The following TERT variants were observed in gnomAD, a reference collection of about 807,000 sequenced individuals.
The protein encoded by TERT is telomerase catalytic subunit.
TERT carries 42 observed loss-of-function variants against 104.0 expected under a neutral mutation model. The ratio of observed to expected loss-of-function variants is 0.40; its 90% CI spans 0.32 to 0.52. The LOEUF (loss-of-function observed/expected upper bound fraction) is 0.52, where lower values mean the gene tolerates loss of function less well. Ranked by LOEUF, TERT falls within the 20% of genes least tolerant of loss-of-function variation. The pLI, the probability that TERT is intolerant of heterozygous loss-of-function variation, is 0.43. For synonymous variants in TERT, 781 were observed against 725.6 expected, an observed-to-expected ratio of 1.08 and a Z score of -1.23; for missense variants, 1,101 against 1,610.3, an observed-to-expected ratio of 0.68 and a Z score of 5.41.
chr5:1,271,206 T>G lies in TERT; in HGVS notation c.2383-2A>C. On this transcript the variant is annotated splice_acceptor_variant, in intron 7 of 15. Transcript: ENST00000310581. LOFTEE classifies it high-confidence loss of function. ...GCTGGCCTCATTCAGGGAGGAGCTCTGCGAAAGCAGACGGGAGACACATGG... is the reference window on the plus strand; with the variant it reads ...GCTGGCCTCATTCAGGGAGGAGCTCGGCGAAAGCAGACGGGAGACACATGG... 3 of 1,611,692 alleles carry G rather than the reference T, an allele frequency of 1.9e-6. No individual in the cohort carries two copies. The highest frequency in any genetic ancestry group is 2.5e-6 in the Non-Finnish European group (3 of 1,178,668).
Position 1,280,283 on chromosome 5 carries a change from G to A in TERT, c.1825C>T (p.His609Tyr), listed in dbSNP as rs1263419082. The A allele has an allele frequency of 3.1e-6, 5 of 1,613,592 alleles. No individual in the cohort carries two copies. Residue 609 changes from histidine to tyrosine, a missense_variant, in exon 4 of 16, where the codon CAT becomes TAT. His to Tyr is a moderately conservative substitution (Grantham distance 83, BLOSUM62 2). Transcript: ENST00000310581. Reference sequence around the variant, plus strand: ...AGCAGGGCGGGCCTGGCTTCCCGATGCTGCCTGACCTCTGCTTCCGACAGC... The same window carrying A: ...AGCAGGGCGGGCCTGGCTTCCCGATACTGCCTGACCTCTGCTTCCGACAGC... ...RELSEAEVRQHREARPALLTS... is the reference protein window; with the variant it reads ...RELSEAEVRQYREARPALLTS...
In TERT at chr5:1,268,447, G is replaced by T; in HGVS notation, c.2582+73C>A. ...GCAGTCATGGTCTCCAGAGCACCAG[G>T]AATATTAACACTGAATGCATCAAAA... On this transcript the variant is annotated intron_variant, in intron 9 of 15. Transcript: ENST00000310581. This position sits in a 1 kb window ranked among gnomAD's most constrained non-coding sequence, Gnocchi z 5.5. 2 of 1,154,816 alleles carry T rather than the reference G, an allele frequency of 1.7e-6. No homozygotes were observed. The highest frequency in any genetic ancestry group is 1.3e-6 in the Non-Finnish European group (1 of 780,438). The allele number at this position is 1,154,816 out of a possible 1,614,324, so 71.5% of individuals were successfully genotyped here.
rs191461605 is a variant in TERT at position 1,270,292 on chromosome 5, G to A, written c.2468+827C>T. ...TTTTTAAATAAAAGCTTCCGAAGCTGTGCACAGTCCTTTATCCGCTGGAGA... is the reference window on the plus strand; with the variant it reads ...TTTTTAAATAAAAGCTTCCGAAGCTATGCACAGTCCTTTATCCGCTGGAGA... On this transcript the variant is annotated intron_variant, in intron 8 of 15. Coordinates refer to ENST00000310581, the MANE Select transcript of TERT (RefSeq NM_198253.3). The surrounding 1 kb of genome is among the most constrained non-coding windows in gnomAD (Gnocchi z 8.3). 3.3e-5 allele frequency among the ~76,000 whole-genome samples: 5 copies of A among 152,320 alleles called. No individual in the cohort carries two copies. The East Asian group carries it at 7.7e-4, about 23-fold the overall frequency.
chr5:1,282,404 G>T lies in TERT; in HGVS notation c.1769+25C>A, dbSNP rs1456077184. 1.9e-6 allele frequency: 3 copies of T among 1,612,360 alleles called. 1 individual carries two copies. The South Asian group carries it at 3.3e-5, about 18-fold the overall frequency. On this transcript the variant is annotated intron_variant, in intron 3 of 15. Transcript: ENST00000310581. The stretch of plus-strand genomic sequence containing the variant: ...TGGTGTTCCAGGACTTCGAGAAGCA[G>T]AGGCCTGGCGTGGGGATACAGTACC...
chr5:1,266,852 A>C (rs1354478990), intron 9 of TERT, among the ~76,000 whole-genome samples: 2 of 152,208 alleles, frequency 1.3e-5, no homozygotes, highest in Non-Finnish European at 2.9e-5. Flanking sequence ...GAAGACGGTA[A>C]GAAAGCTGGG....
chr5:1,290,385 CG>C (rs1750817097), intron 2 of TERT, among the ~76,000 whole-genome samples: 1 of 64,212 alleles, frequency 1.6e-5, no homozygotes, highest in African/African-American at 9.7e-5. Context: ...CACCCGGGGA[CG>C]GCGCCTCACT....
rs918075673 is a variant in TERT, at chr5:1,293,993, G to C, written c.893C>G (p.Ser298Cys). The change falls in exon 2 of 16, where the codon TCC becomes TGC. Residue 298 changes from serine to cysteine, a missense_variant. This residue lies in a region of TERT where 504 missense variants were observed against 544.6 expected (regional missense o/e 0.93). Coordinates refer to ENST00000310581, the MANE Select transcript of TERT (RefSeq NM_198253.3). Reference protein sequence around the residue: ...ALSGTRHSHPSVGRQHHAGPP... With the variant: ...ALSGTRHSHPCVGRQHHAGPP... Reference sequence around the variant, plus strand: ...GCCCGCGTGGTGCTGGCGGCCCACGGATGGGTGGGAGTGGCGCGTGCCAGA... The same window carrying C: ...GCCCGCGTGGTGCTGGCGGCCCACGCATGGGTGGGAGTGGCGCGTGCCAGA... The C allele has an allele frequency of 6.3e-7, 1 of 1,575,856 alleles. No individual in the cohort carries two copies.
Position 1,262,099 on chromosome 5 carries a change from A to G in TERT, c.2844-1499T>C, listed in dbSNP as rs1748273698. Among the ~76,000 whole-genome samples the G allele has an allele frequency of 6.6e-6, 1 of 151,966 alleles. No individual in the cohort carries two copies. Among genetic ancestry groups the G allele is most frequent in the Non-Finnish European group, 1.5e-5 (1 of 67,996 alleles). ...GCCTCCCTGTGTGTCCTTCCCCAAC[A>G]CCAAACCAGGGAACGTTCACCTCCC... On this transcript the variant is annotated intron_variant, in intron 11 of 15. Coordinates refer to ENST00000310581, the MANE Select transcript of TERT (RefSeq NM_198253.3). The surrounding 1 kb of genome is among the most constrained non-coding windows in gnomAD (Gnocchi z 5.6).
At chr5:1,285,276 T>C (rs1204276724) in intron 2 of TERT, among the ~76,000 whole-genome samples, 1 of 144,382 alleles carries the variant, frequency 6.9e-6, no homozygotes, top group Non-Finnish European at 1.5e-5. Flanking sequence ...ATCCGGACAC[T>C]GCACATCCAG....
rs747745615 is a variant in TERT at position 1,274,902 on chromosome 5, C to A, written c.2287-2622G>T. On this transcript the variant is annotated intron_variant, in intron 6 of 15. Transcript: ENST00000310581. The surrounding 1 kb of genome is among the most constrained non-coding windows in gnomAD (Gnocchi z 5.3). ...CCTAAAGGAAATGGAAGGAGGCCAT[C>A]GATAAACAGCAGACACCAATTACGC... Among the ~76,000 whole-genome samples the A allele has an allele frequency of 1.3e-5, 2 of 152,162 alleles. No homozygotes were observed. Among genetic ancestry groups the A allele is most frequent in the East Asian group, 3.8e-4 (2 of 5,200 alleles).
intron 7 of TERT, among the ~76,000 whole-genome samples, chr5:1,271,471 G>A (rs140121356): frequency 1.9e-3 from 288 of 152,260 alleles, no homozygotes; most frequent in Non-Finnish European, 3.4e-3. Flanking sequence ...ACCGTGGCCC[G>A]GATGGCATAT....
intron 4 of TERT, among the ~76,000 whole-genome samples, chr5:1,279,684 C>G (rs541107177): frequency 2.6e-4 from 39 of 152,250 alleles, no homozygotes; most frequent in Non-Finnish European, 5.0e-4. Context: ...ACACCTCTGT[C>G]CACCTCACCC....
chr5:1,282,343 C>T (rs1231458147), intron 3 of TERT, 86 bp downstream of exon 3: 7 of 1,439,192 alleles, frequency 4.9e-6, no homozygotes, highest in Non-Finnish European at 6.8e-6. Context: ...CAGGGAAGCA[C>T]AGGCAAGTGG....
At chr5:1,264,302 G>T in intron 11 of TERT, 102 bp downstream of exon 11, 1 of 1,294,326 alleles carries the variant, frequency 7.7e-7, no homozygotes, top group Non-Finnish European at 1.1e-6. Flanking sequence ...TTTGGGATTG[G>T]CAGTCGCCTG....
At chr5:1,253,945 T>G in intron 15 of TERT, 114 bp from the exon 16 acceptor site, 1 of 1,176,482 alleles carries the variant, frequency 8.5e-7, no homozygotes, top group Non-Finnish European at 1.2e-6. Context: ...TGGCCCTGGC[T>G]GGTGGGAACC....
Position 1,293,966 on chromosome 5 carries a change from G to A in TERT, c.920C>T (p.Pro307Leu). The A allele has an allele frequency of 2.6e-6, 4 of 1,556,302 alleles. No individual in the cohort carries two copies. The highest frequency in any genetic ancestry group is 3.5e-6 in the Non-Finnish European group (4 of 1,153,862). ...PSVGRQHHAG[P>L]PSTSRPPRPW... Reference sequence around the variant, plus strand: ...ACGTGGTGGCCGCGATGTGGATGGGGGGCCCGCGTGGTGCTGGCGGCCCAC... The same window carrying A: ...ACGTGGTGGCCGCGATGTGGATGGGAGGCCCGCGTGGTGCTGGCGGCCCAC... The change falls in exon 2 of 16, where the codon CCC (proline) becomes CTC (leucine). Residue 307 changes from proline (P) to leucine (L), a missense_variant. Pro to Leu is a moderately conservative substitution (Grantham distance 98). Transcript: ENST00000310581.
At chr5:1,283,493 C>T (rs1293963502) in intron 2 of TERT, among the ~76,000 whole-genome samples, 1 of 142,446 alleles carries the variant, frequency 7.0e-6, no homozygotes, top group Admixed American at 7.0e-5. Context: ...CTGCACCATC[C>T]GGACACCGCA....
intron 6 of TERT, among the ~76,000 whole-genome samples, chr5:1,273,518 CCA>C (rs771013589): frequency 1.3e-3 from 16 of 11,880 alleles, no homozygotes; most frequent in Non-Finnish European, 2.3e-3. Flanking sequence ...TCCACAGTCA[CCA>C]CACATCAGAC....
At chr5:1,271,251 G>GCCTGTCTCAGCACCC in intron 7 of TERT, 47 bp from the exon 8 acceptor site, 2 of 1,433,238 alleles carry the variant, frequency 1.4e-6, no homozygotes, top group Non-Finnish European at 2.0e-6. Context: ...GGTGGGTGCT[G>GCCTGTCTCAGCACCC]AGACAGGCAG....
Sources: gnomAD v4.1 joint callset for allele counts (sites outside exome capture counted in the v4.1 genomes callset) on GRCh38, gnomAD v4.1.1 for gene constraint, gnomAD v4.1.1 regional missense constraint, Gnocchi (gnomAD v3.1) non-coding constraint, MANE v1.5 for transcripts, NCBI Gene and HGNC (gene_info 2026-07-23, HGNC 2026-07-21) for gene names.